Variants in PDZRN3 observed in about 807,000 individuals in gnomAD.
PDZRN3 encodes the protein PDZ domain containing ring finger 3.
PDZRN3 carries 38 observed loss-of-function variants against 85.7 expected under a neutral mutation model. The observed-to-expected ratio is 0.44, with a 90% CI of 0.34 to 0.58. PDZRN3 has a LOEUF of 0.58. Ranked by LOEUF, PDZRN3 falls within the 20% of genes least tolerant of loss-of-function variation. The pLI is 0.01. For missense variants in PDZRN3, 1,629 were observed against 1,506.4 expected, an observed-to-expected ratio of 1.08 and a Z score of -1.35; for synonymous variants, 759 against 638.0, an observed-to-expected ratio of 1.19 and a Z score of -2.86.
intron 3 of PDZRN3, among the ~76,000 whole-genome samples, chr3:73,519,166 G>A (rs1009212909): frequency 2.3e-4 from 35 of 152,330 alleles, no homozygotes; most frequent in African/African-American, 8.2e-4. Flanking sequence ...AGGGAGCACT[G>A]GCTGATGGAG....
chr3:73,568,261 C>A (rs951505161), intron 3 of PDZRN3, among the ~76,000 whole-genome samples: 2 of 151,986 alleles, frequency 1.3e-5, no homozygotes, highest in Non-Finnish European at 2.9e-5. Flanking sequence ...TGATAATGAA[C>A]AGGAAAGTCT....
At chr3:73,562,983 TTATA>T (rs56679097) in intron 3 of PDZRN3, among the ~76,000 whole-genome samples, 709 of 19,004 alleles carry the variant, frequency 0.037, 75 homozygotes, top group African/African-American at 0.092. Context: ...AGTTGGCAAA[TTATA>T]TATATATATA....
chr3:73,607,419 G>A (rs112867344), intron 2 of PDZRN3, among the ~76,000 whole-genome samples: 1,538 of 152,130 alleles, frequency 0.01, 20 homozygotes, highest in African/African-American at 0.034. Context: ...ACCTCCTCCC[G>A]CAGGGTTAAC....
At chr3:73,587,241 A>G (rs1702290849) in intron 3 of PDZRN3, among the ~76,000 whole-genome samples, 1 of 152,242 alleles carries the variant, frequency 6.6e-6, no homozygotes. Context: ...ACTACACCGT[A>G]TGCAGTAAGG....
At chr3:73,534,707 C>CAG (rs763933209) in intron 3 of PDZRN3, among the ~76,000 whole-genome samples, 50 of 152,350 alleles carry the variant, frequency 3.3e-4, no homozygotes, top group Admixed American at 5.9e-4. Context: ...CCACTTTTCA[C>CAG]AGATTTCCTA....
At chr3:73,403,045 G>A (rs561926146) in intron 4 of PDZRN3, among the ~76,000 whole-genome samples, 1 of 149,340 alleles carries the variant, frequency 6.7e-6, no homozygotes, top group South Asian at 2.1e-4. Flanking sequence ...CCGGGTTCAC[G>A]CCATTCTCCT....
chr3:73,419,689 G>C (rs1403956107), intron 3 of PDZRN3, among the ~76,000 whole-genome samples: 1 of 152,092 alleles, frequency 6.6e-6, no homozygotes, highest in Non-Finnish European at 1.5e-5. Context: ...TTACAGATGA[G>C]CTCATTGAAA....
intron 3 of PDZRN3, among the ~76,000 whole-genome samples, chr3:73,569,973 G>A (rs1208890719): frequency 6.6e-6 from 1 of 152,206 alleles, no homozygotes; most frequent in Admixed American, 6.5e-5. Flanking sequence ...ACTGACTCCT[G>A]AGAGGGGGTG....
In PDZRN3 at chr3:73,383,590, G is replaced by GCGC. The variant is rs1294024676; in HGVS notation, c.2973_2975dup (p.Arg992dup). On this transcript the variant is annotated inframe_insertion, in exon 10 of 10. Transcript: ENST00000263666. Reference sequence around the variant, plus strand: ...CCAACCTGCTCTGCATCATGAACTCGCGCCGCCGCCGCTGCTCCTTGGCCT... The same window carrying GCGC: ...CCAACCTGCTCTGCATCATGAACTCGCGCCGCCGCCGCCGCTGCTCCTTGGCCT... 1 of 1,613,990 alleles carries GCGC rather than the reference G, an allele frequency of 6.2e-7. No homozygotes were observed. The highest frequency in any genetic ancestry group is 1.3e-5 in the African/African-American group (1 of 75,014).
Position 73,624,384 on chromosome 3 carries a change from G to T in PDZRN3, c.442C>A (p.Leu148Ile). The change falls in exon 1 of 10, where the codon CTA becomes ATA. Residue 148 changes from leucine to isoleucine, a missense_variant. Physicochemically the swap from Leu to Ile is conservative, Grantham distance 5. Coordinates refer to ENST00000263666, the MANE Select transcript of PDZRN3 (RefSeq NM_015009.3). Reference sequence around the variant, plus strand: ...CGCTGCTCGCCGTGCGTCAAGGGTAGCCCGCAGCCCTCCTGGCAGCGGCCC... The same window carrying T: ...CGCTGCTCGCCGTGCGTCAAGGGTATCCCGCAGCCCTCCTGGCAGCGGCCC... Reference protein sequence around the residue: ...PVGRCQEGCGLPLTHGEQRAG... With the variant: ...PVGRCQEGCGIPLTHGEQRAG... 1 of 1,310,356 alleles carries T rather than the reference G, an allele frequency of 7.6e-7. No individual in the cohort carries two copies. Among genetic ancestry groups the T allele is most frequent in the Admixed American group, 4.0e-5 (1 of 24,808 alleles). The allele number at this position is 1,310,356 out of a possible 1,614,324, so 81.2% of individuals were successfully genotyped here. A position where few individuals can be genotyped will look rare whatever the true frequency, so the allele number is the denominator to read the frequency against.
At chr3:73,602,259 T>C (rs1702525948) in intron 3 of PDZRN3, 95 bp downstream of exon 3, 5 of 719,836 alleles carry the variant, frequency 6.9e-6, no homozygotes, top group East Asian at 2.5e-5. Context: ...TCTACCACTT[T>C]AGGCCTCCCT....
chr3:73,615,161 G>C (rs767634945), intron 1 of PDZRN3, among the ~76,000 whole-genome samples: 1 of 152,062 alleles, frequency 6.6e-6, no homozygotes, highest in Non-Finnish European at 1.5e-5. Flanking sequence ...AGCCAAACGA[G>C]ATATTTTTGA....
rs556236031 is a variant in PDZRN3 at position 73,450,885 on chromosome 3, G to A, written c.919-46490C>T. Reference sequence around the variant, plus strand: ...AATCAACAATCAAAAAAGTTCTTCCGCTGATAATTATTCTAGGATGATTTG... The same window carrying A: ...AATCAACAATCAAAAAAGTTCTTCCACTGATAATTATTCTAGGATGATTTG... On this transcript the variant is annotated intron_variant, in intron 3 of 9. Transcript: ENST00000263666. Among the ~76,000 whole-genome samples the A allele has an allele frequency of 4.0e-5, 6 of 151,770 alleles. No individual in the cohort carries two copies. In the South Asian group the frequency reaches 6.2e-4, roughly 16 times the overall value.
At chr3:73,475,473 C>T (rs1364361401) in intron 3 of PDZRN3, among the ~76,000 whole-genome samples, 1 of 152,164 alleles carries the variant, frequency 6.6e-6, no homozygotes, top group African/African-American at 2.4e-5. Context: ...AACTCTGAAC[C>T]CATTATGTTT....
chr3:73,584,836 T>A (rs1407669913), intron 3 of PDZRN3, among the ~76,000 whole-genome samples: 1 of 152,136 alleles, frequency 6.6e-6, no homozygotes, highest in Non-Finnish European at 1.5e-5. Flanking sequence ...GCAGAGAGCT[T>A]ATCACTATCT....
At position 73,383,797 on chromosome 3, in the gene PDZRN3, C is replaced by T. The variant is rs368305964; in HGVS notation, c.2769G>A (p.Val923=). 1.2e-5 allele frequency: 19 copies of T among 1,613,608 alleles called. No homozygotes were observed. The African/African-American group carries it at 2.4e-4, about 20-fold the overall frequency. ...TPSEPRMEWK[V]KIRSDGTRYI... ...AGCGCGTCCCGTCGCTGCGGATCTT[C>T]ACCTTCCACTCCATGCGCGGCTCCG... Residue 923 remains valine, a synonymous_variant, in exon 10 of 10, where the codon GTG becomes GTA. Transcript: ENST00000263666.
At chr3:73,465,928 T>C (rs1305685436) in intron 3 of PDZRN3, among the ~76,000 whole-genome samples, 1 of 152,216 alleles carries the variant, frequency 6.6e-6, no homozygotes, top group African/African-American at 2.4e-5. Context: ...GAGGAATGAA[T>C]TGCTGAATGA....
At chr3:73,528,070 T>C (rs1461715215) in intron 3 of PDZRN3, among the ~76,000 whole-genome samples, 21 of 152,158 alleles carry the variant, frequency 1.4e-4, no homozygotes. Flanking sequence ...GAGGTCAAGG[T>C]CAAAAAGCAG....
intron 3 of PDZRN3, among the ~76,000 whole-genome samples, chr3:73,554,941 T>C (rs1411684615): frequency 6.6e-6 from 1 of 152,218 alleles, no homozygotes; most frequent in African/African-American, 2.4e-5. Flanking sequence ...TTTTTCCACA[T>C]GATAAGGTCT....
Sources: gnomAD v4.1 joint callset for allele counts (sites outside exome capture counted in the v4.1 genomes callset) on GRCh38, gnomAD v4.1.1 for gene constraint, MANE v1.5 for transcripts, NCBI Gene and HGNC (gene_info 2026-07-23, HGNC 2026-07-21) for gene names.